FAM81B: variants seen among roughly 807,000 people sequenced by gnomAD.
The protein encoded by FAM81B is protein FAM81B.
Under a neutral mutation model 58.7 loss-of-function variants are expected in FAM81B, and 60 were observed. That is an observed-to-expected ratio of 1.02 (90% CI 0.83 to 1.27). The LOEUF is 1.27. Ranked by LOEUF, FAM81B falls within the 50% of genes most tolerant of loss-of-function variation. FAM81B has a pLI of 0.00. For missense variants in FAM81B, 491 were observed against 522.0 expected, an observed-to-expected ratio of 0.94 and a Z score of 0.58; for synonymous variants, 189 against 179.6, an observed-to-expected ratio of 1.05 and a Z score of -0.42.
At chr5:95,392,436 G>T (rs915442791) in intron 1 of FAM81B, among the ~76,000 whole-genome samples, 3 of 152,066 alleles carry the variant, frequency 2.0e-5, no homozygotes, top group African/African-American at 7.2e-5. Context: ...AACCACCATG[G>T]CACGTGTATA....
chr5:95,432,625 C>T (rs976629578), intron 6 of FAM81B, among the ~76,000 whole-genome samples: 3 of 151,840 alleles, frequency 2.0e-5, no homozygotes, highest in Admixed American at 6.6e-5. Flanking sequence ...AGGTTAGCTT[C>T]TATAAATTAC....
At chr5:95,430,348 A>C (rs1582817308) in intron 6 of FAM81B, among the ~76,000 whole-genome samples, 1 of 150,478 alleles carries the variant, frequency 6.6e-6, no homozygotes, top group East Asian at 1.9e-4. Context: ...ATGCAAATAC[A>C]TATTTTTATT....
At chr5:95,415,549 C>A (rs192170928) in intron 4 of FAM81B, among the ~76,000 whole-genome samples, 1 of 152,254 alleles carries the variant, frequency 6.6e-6, no homozygotes, top group African/African-American at 2.4e-5. Flanking sequence ...AAGGTCAATG[C>A]CACTCTCAAA....
Position 95,415,898 on chromosome 5 carries a change from T to C in FAM81B, c.537+1708T>C, listed in dbSNP as rs113099882. On this transcript the variant is annotated intron_variant, in intron 4 of 9. Coordinates refer to ENST00000283357, the MANE Select transcript of FAM81B (RefSeq NM_152548.3). ...ACTATTAGCAATAAGGAGAAAGTCT[T>C]TCTTTCAAATCTCTAGAAATCTTGT... Among the ~76,000 whole-genome samples, 232 of 152,358 alleles carry C rather than the reference T, an allele frequency of 1.5e-3. 3 individuals are homozygous for C. The highest frequency in any genetic ancestry group is 5.5e-3 in the African/African-American group (229 of 41,590).
At chr5:95,404,615 T>C (rs1469286009) in intron 3 of FAM81B, among the ~76,000 whole-genome samples, 3 of 152,154 alleles carry the variant, frequency 2.0e-5, no homozygotes, top group Non-Finnish European at 2.9e-5. Context: ...GGAGCCACTT[T>C]TTTTTGGTCC....
chr5:95,436,790 C>A lies in FAM81B; in HGVS notation c.787-10C>A. ...GTTCATATGCACAAACCCTCTCGTA[C>A]TTTGACTAGGTGATGCAGCTCTTAG... On this transcript the variant is annotated splice_polypyrimidine_tract_variant and intron_variant, in intron 6 of 9. Transcript: ENST00000283357. 1 of 1,583,464 alleles carries A rather than the reference C, an allele frequency of 6.3e-7. No individual in the cohort carries two copies. The highest frequency in any genetic ancestry group is 8.7e-7 in the Non-Finnish European group (1 of 1,152,096).
chr5:95,413,916 C>A, intron 3 of FAM81B, 31 bp from the exon 4 acceptor site: 3 of 1,591,380 alleles, frequency 1.9e-6, no homozygotes, highest in Non-Finnish European at 2.6e-6. Flanking sequence ...CTTGTAATGC[C>A]CTGGTGTTTC....
chr5:95,407,418 A>ACG, intron 3 of FAM81B, among the ~76,000 whole-genome samples: 1 of 150,344 alleles, frequency 6.7e-6, no homozygotes, highest in Non-Finnish European at 1.5e-5. Flanking sequence ...ACGCACACAC[A>ACG]CACGCGTGCG....
intron 3 of FAM81B, chr5:95,406,386 C>A (rs1762247280): frequency 6.6e-6 from 1 of 152,578 alleles, no homozygotes; most frequent in African/African-American, 2.4e-5. Context: ...AACAGTTGAG[C>A]CAAAGAAGAC....
intron 6 of FAM81B, among the ~76,000 whole-genome samples, chr5:95,434,290 T>A (rs962529122): frequency 6.6e-6 from 1 of 152,144 alleles, no homozygotes; most frequent in Admixed American, 6.5e-5. Context: ...GCAGTTGTAG[T>A]CCTGAGGTCC....
chr5:95,403,943 G>T (rs1762178067), intron 3 of FAM81B, among the ~76,000 whole-genome samples: 1 of 152,166 alleles, frequency 6.6e-6, no homozygotes. Flanking sequence ...AAGTCAGGCA[G>T]AAGTTGGGGG....
rs577076287 is a variant in FAM81B, at chr5:95,439,236, GTATA to G, written c.893+2356_893+2359del. On this transcript the variant is annotated intron_variant, in intron 7 of 9. Transcript: ENST00000283357. ...ATAGGCAAGCTTGCTAGGTTAAAGA[GTATA>G]TATATATATATATATATATATATAT... 1.1e-3 allele frequency among the ~76,000 whole-genome samples: 112 copies of G among 105,180 alleles called. 4 individuals are homozygous for G. The highest frequency in any genetic ancestry group is 2.4e-3 in the African/African-American group (69 of 28,302). 69.0% of individuals were successfully genotyped at this position (105,180 alleles called of 152,430 possible). A position where few individuals can be genotyped will look rare whatever the true frequency, so the allele number is the denominator to read the frequency against.
intron 3 of FAM81B, among the ~76,000 whole-genome samples, chr5:95,412,391 T>C (rs1466573934): frequency 1.3e-5 from 2 of 152,218 alleles, no homozygotes; most frequent in Non-Finnish European, 2.9e-5. Context: ...TGTGTCTTCT[T>C]ATCTTACTAT....
In FAM81B at chr5:95,450,253, C is replaced by A. The variant is rs201358737; in HGVS notation, c.1330C>A (p.Arg444Ser). Residue 444 changes from arginine (R) to serine (S), a missense_variant, in exon 10 of 10, where the codon CGC becomes AGC. Transcript: ENST00000283357. ...ACAGAAAGACCTAAAGAAATTACAGCGCAAGATAGTGGAACTCCAGGAAGT... is the reference window on the plus strand; with the variant it reads ...ACAGAAAGACCTAAAGAAATTACAGAGCAAGATAGTGGAACTCCAGGAAGT... ...KVQKDLKKLQ[R>S]KIVELQEV The A allele has an allele frequency of 1.2e-6, 2 of 1,612,948 alleles. No individual in the cohort carries two copies. Among genetic ancestry groups the A allele is most frequent in the Middle Eastern group, 3.3e-4 (2 of 6,046 alleles).
chr5:95,400,427 CATACAT>C (rs1452602680), intron 3 of FAM81B, among the ~76,000 whole-genome samples: 1 of 96,546 alleles, frequency 1.0e-5, no homozygotes, highest in East Asian at 3.7e-4. Context: ...TACATACATA[CATACAT>C]ACACACACAC....
Position 95,440,435 on chromosome 5 carries a change from T to A in FAM81B, c.893+3529T>A, listed in dbSNP as rs916613270. ...TGGTAATGCCTAAGGCAATTCGAAT[T>A]TTGGTTCAGGAGCACCTGACAGGAT... On this transcript the variant is annotated intron_variant, in intron 7 of 9. Transcript: ENST00000283357. 4.6e-6 allele frequency: 3 copies of A among 651,826 alleles called. No individual in the cohort carries two copies. In the African/African-American group the frequency reaches 5.4e-5, roughly 12 times the overall value. The allele number at this position is 651,826 out of a possible 1,614,324, so 40.4% of individuals were successfully genotyped here. A position where few individuals can be genotyped will look rare whatever the true frequency, so the allele number is the denominator to read the frequency against.
chr5:95,427,019 A>C (rs761795636), intron 5 of FAM81B, among the ~76,000 whole-genome samples: 16 of 152,086 alleles, frequency 1.1e-4, no homozygotes, highest in Admixed American at 2.0e-4. Flanking sequence ...ACTGCACTCC[A>C]GCCTGGGCGA....
chr5:95,443,818 A>C (rs1378427030), intron 7 of FAM81B, among the ~76,000 whole-genome samples: 1 of 152,216 alleles, frequency 6.6e-6, no homozygotes, highest in Non-Finnish European at 1.5e-5. Context: ...GTAGTAATTC[A>C]TTCTTTATGG....
At chr5:95,407,426 G>A (rs1199767689) in intron 3 of FAM81B, among the ~76,000 whole-genome samples, 3 of 137,450 alleles carry the variant, frequency 2.2e-5, no homozygotes, top group African/African-American at 8.4e-5. Context: ...ACACACGCGT[G>A]CGCGCACACA....
Sources: allele counts gnomAD v4.1 joint callset (sites outside exome capture counted in the v4.1 genomes callset), GRCh38; gene constraint gnomAD v4.1.1; transcripts MANE v1.5; gene names NCBI Gene and HGNC (gene_info 2026-07-23, HGNC 2026-07-21).